TNFAIP8L3: variants seen among roughly 807,000 people sequenced by gnomAD.
The protein encoded by TNFAIP8L3 is tumor necrosis factor alpha-induced protein 8-like protein 3.
Under a neutral mutation model 11.8 loss-of-function variants are expected in TNFAIP8L3, and 7 were observed. That is an observed-to-expected ratio of 0.59 (90% CI 0.34 to 1.11). The LOEUF is 1.11. Ranked by LOEUF, TNFAIP8L3 falls within the 50% of genes most tolerant of loss-of-function variation. The probability of loss-of-function intolerance (pLI) is 0.03; values close to 1 mark genes in which losing one functional copy is unlikely to be tolerated. For synonymous variants in TNFAIP8L3, 98 were observed against 103.8 expected (o/e 0.94, Z 0.34); for missense variants, 219 against 258.6 (o/e 0.85, Z 1.05).
chr15:51,092,734 GA>G lies in TNFAIP8L3; in HGVS notation c.52+1809del, dbSNP rs139592315. 8.3e-4 allele frequency among the ~76,000 whole-genome samples: 126 copies of G among 152,310 alleles called. 1 individual carries two copies. Among genetic ancestry groups the G allele is most frequent in the African/African-American group, 2.9e-3 (121 of 41,556 alleles). On this transcript the variant is annotated intron_variant, in intron 1 of 1. Coordinates refer to ENST00000637513, the MANE Select transcript of TNFAIP8L3 (RefSeq NM_001311175.2). ...ACAAACTGACCGTGAATACAACAGG[GA>G]TATTAAACACTGGGTCAGGCTGGAG...
intron 1 of TNFAIP8L3, among the ~76,000 whole-genome samples, chr15:51,069,974 T>G (rs1433792949): frequency 6.6e-6 from 1 of 152,238 alleles, no homozygotes; most frequent in African/African-American, 2.4e-5. Context: ...GGGAGTTGTA[T>G]TTCATCACTT....
At chr15:51,086,173 T>C (rs1347233962) in intron 1 of TNFAIP8L3, among the ~76,000 whole-genome samples, 1 of 152,182 alleles carries the variant, frequency 6.6e-6, no homozygotes, top group African/African-American at 2.4e-5. Flanking sequence ...AAAGGGTGTA[T>C]TTGACTTTGG....
upstream of TNFAIP8L3, among the ~76,000 whole-genome samples, chr15:51,098,131 A>G (rs1567298537): frequency 6.6e-6 from 1 of 152,224 alleles, no homozygotes; most frequent in Non-Finnish European, 1.5e-5. Flanking sequence ...ATCTATTTGT[A>G]AGGTGTCAAG....
intron 1 of TNFAIP8L3, among the ~76,000 whole-genome samples, chr15:51,074,747 G>T (rs2065337792): frequency 6.6e-6 from 1 of 152,230 alleles, no homozygotes; most frequent in Non-Finnish European, 1.5e-5. Context: ...TGCCAGCCAT[G>T]CCCTGACTCT....
intron 1 of TNFAIP8L3, among the ~76,000 whole-genome samples, chr15:51,072,550 A>C (rs2065317028): frequency 6.6e-6 from 1 of 152,218 alleles, no homozygotes; most frequent in Non-Finnish European, 1.5e-5. Context: ...ATAAAAGATA[A>C]CCATATATTT....
upstream of TNFAIP8L3, among the ~76,000 whole-genome samples, chr15:51,099,829 A>T (rs996886102): frequency 1.3e-5 from 2 of 152,238 alleles, no homozygotes; most frequent in African/African-American, 4.8e-5. Flanking sequence ...ATGAGGTTTC[A>T]GCGGCAACTA....
At chr15:51,070,863 G>T (rs901813494) in intron 1 of TNFAIP8L3, among the ~76,000 whole-genome samples, 1 of 148,420 alleles carries the variant, frequency 6.7e-6, no homozygotes, top group Non-Finnish European at 1.5e-5. Flanking sequence ...CGGCTAAAAC[G>T]GTGAAACCCC....
chr15:51,068,660 G>GTTTTT (rs113982459), intron 1 of TNFAIP8L3, among the ~76,000 whole-genome samples: 7 of 116,342 alleles, frequency 6.0e-5, no homozygotes, highest in Admixed American at 1.9e-4. Context: ...CACCCCTCCT[G>GTTTTT]TTTTTTTTTT....
Position 51,058,163 on chromosome 15 carries a change from C to G in TNFAIP8L3, c.333G>C (p.Lys111Asn), listed in dbSNP as rs778499367. The change falls in exon 2 of 2, where the codon AAG (lysine) becomes AAC (asparagine). Residue 111 changes from lysine to asparagine, a missense_variant. By Grantham distance (94) the Lys-to-Asn change is moderately conservative. Transcript: ENST00000637513. Reference sequence around the variant, plus strand: ...CAATGGTCATGGCGGTCTGGTTCAGCTTCTTCCGGAACTTCTCCACAATAA... The same window carrying G: ...CAATGGTCATGGCGGTCTGGTTCAGGTTCTTCCGGAACTTCTCCACAATAA... Reference protein sequence around the residue: ...ELVIVEKFRKKLNQTAMTIVS... With the variant: ...ELVIVEKFRKNLNQTAMTIVS... 5.5e-5 allele frequency: 88 copies of G among 1,614,110 alleles called. No homozygotes were observed. The highest frequency in any genetic ancestry group is 7.4e-5 in the Non-Finnish European group (87 of 1,180,050).
intron 1 of TNFAIP8L3, among the ~76,000 whole-genome samples, chr15:51,101,962 A>G (rs953608104): frequency 2.6e-5 from 4 of 151,536 alleles, no homozygotes; most frequent in African/African-American, 7.3e-5. Flanking sequence ...AAAAAAAAAA[A>G]AAGAAAAGAA....
At chr15:51,064,202 T>G (rs2065256410) in intron 1 of TNFAIP8L3, among the ~76,000 whole-genome samples, 1 of 152,156 alleles carries the variant, frequency 6.6e-6, no homozygotes, top group South Asian at 2.1e-4. Context: ...GCTCCCTAAG[T>G]GATTCTGACA....
At chr15:51,099,230 C>A (rs1170584130), upstream of TNFAIP8L3, among the ~76,000 whole-genome samples, 1 of 152,182 alleles carries the variant, frequency 6.6e-6, no homozygotes, top group Non-Finnish European at 1.5e-5. Flanking sequence ...TCCACACTTT[C>A]TTTGTGGGCA....
At chr15:51,079,950 C>A (rs945860799) in intron 1 of TNFAIP8L3, among the ~76,000 whole-genome samples, 6 of 151,792 alleles carry the variant, frequency 4.0e-5, no homozygotes, top group African/African-American at 1.5e-4. Flanking sequence ...CCCCAGCACA[C>A]CTCTGATGCT....
chr15:51,095,086 T>A (rs1567297433), upstream of TNFAIP8L3, among the ~76,000 whole-genome samples: 1 of 152,052 alleles, frequency 6.6e-6, no homozygotes, highest in Non-Finnish European at 1.5e-5. Flanking sequence ...AAAAAGAGCT[T>A]CAACTCGCGC....
At chr15:51,074,581 T>C (rs2065336131) in intron 1 of TNFAIP8L3, among the ~76,000 whole-genome samples, 1 of 152,164 alleles carries the variant, frequency 6.6e-6, no homozygotes, top group South Asian at 2.1e-4. Context: ...ATCCCATCCC[T>C]CCTACCAGAG....
At chr15:51,096,173 C>G (rs2065512419), upstream of TNFAIP8L3, among the ~76,000 whole-genome samples, 1 of 152,178 alleles carries the variant, frequency 6.6e-6, no homozygotes, top group Non-Finnish European at 1.5e-5. Flanking sequence ...CTGCTCCTGA[C>G]TGCTATGGTA....
Position 51,102,579 on chromosome 15 carries a change from G to T in TNFAIP8L3, c.172+2426C>A, listed in dbSNP as rs538861091. On this transcript the variant is annotated intron_variant, in intron 1 of 2. Coordinates refer to the TNFAIP8L3 transcript ENST00000327536. ...CACCCAGTCGAGGGCTGTAGAAGGG[G>T]GAAGAAATGTTCAAGGTCACCTGGT... Among the ~76,000 whole-genome samples, 6 of 152,250 alleles carry T rather than the reference G, an allele frequency of 3.9e-5. No homozygotes were observed. In the South Asian group the frequency reaches 1.2e-3, roughly 32 times the overall value.
intron 1 of TNFAIP8L3, among the ~76,000 whole-genome samples, chr15:51,064,259 A>G (rs2065256718): frequency 6.6e-6 from 1 of 152,202 alleles, no homozygotes; most frequent in African/African-American, 2.4e-5. Flanking sequence ...TCCAACATGT[A>G]TCCTATAGAG....
chr15:51,063,786 C>T (rs2065253993), intron 1 of TNFAIP8L3, among the ~76,000 whole-genome samples: 2 of 152,176 alleles, frequency 1.3e-5, no homozygotes, highest in African/African-American at 4.8e-5. Flanking sequence ...ACATGTGAAA[C>T]AGCCCACACT....
Sources: allele counts gnomAD v4.1 joint callset (sites outside exome capture counted in the v4.1 genomes callset), GRCh38; gene constraint gnomAD v4.1.1; transcripts MANE v1.5; gene names NCBI Gene and HGNC (gene_info 2026-07-23, HGNC 2026-07-21).